NCOA7: variants seen among roughly 807,000 people sequenced by gnomAD.
The protein encoded by NCOA7 is nuclear receptor coactivator 7.
In NCOA7, 45 loss-of-function variants were observed where a neutral mutation model predicts 104.3. The observed-to-expected ratio is 0.43, with a 90% CI of 0.34 to 0.55. The LOEUF is 0.55. NCOA7 is among the 20% of genes least tolerant of loss of function. NCOA7 has a pLI of 0.02. For synonymous variants in NCOA7, 398 were observed against 402.3 expected (o/e 0.99, Z 0.13); for missense variants, 1,041 against 1,119.7 (o/e 0.93, Z 1.00).
At chr6:125,791,550 G>C (rs1471750926) in intron 1 of NCOA7, among the ~76,000 whole-genome samples, 1 of 152,232 alleles carries the variant, frequency 6.6e-6, no homozygotes, top group Admixed American at 6.5e-5. Context: ...TAGCTAGTTG[G>C]TATATAAAAT....
At chr6:125,829,583 T>C (rs1237207940) in intron 2 of NCOA7, among the ~76,000 whole-genome samples, 2 of 152,210 alleles carry the variant, frequency 1.3e-5, no homozygotes, top group Non-Finnish European at 2.9e-5. Context: ...AGCAAAGATG[T>C]TCCTGTGTTT....
chr6:125,864,023 G>C lies in NCOA7; in HGVS notation c.271+8783G>C, dbSNP rs549236262. Among the ~76,000 whole-genome samples, 9 of 136,366 alleles carry C rather than the reference G, an allele frequency of 6.6e-5. 2 individuals are homozygous for C. The East Asian group carries it at 1.1e-3, about 16-fold the overall frequency. The allele number at this position is 136,366 out of a possible 152,430, so 89.5% of individuals were successfully genotyped here. A position where few individuals can be genotyped will look rare whatever the true frequency, so the allele number is the denominator to read the frequency against. ...AGAGTGATGTGGTCAGGTTTTTTTGGGGGGGGCAGTTTGGCTGTTTTTATC... is the reference window on the plus strand; with the variant it reads ...AGAGTGATGTGGTCAGGTTTTTTTGCGGGGGGCAGTTTGGCTGTTTTTATC... On this transcript the variant is annotated intron_variant, in intron 3 of 15. Coordinates refer to ENST00000392477, the MANE Select transcript of NCOA7 (RefSeq NM_181782.5).
chr6:125,902,065 T>C (rs1210891343), intron 10 of NCOA7, among the ~76,000 whole-genome samples: 1 of 152,144 alleles, frequency 6.6e-6, no homozygotes, highest in Non-Finnish European at 1.5e-5. Flanking sequence ...CTTGTGGTTT[T>C]TATGGGTGCA....
At chr6:125,926,489 G>A (rs1788046557) in intron 13 of NCOA7, among the ~76,000 whole-genome samples, 1 of 152,080 alleles carries the variant, frequency 6.6e-6, no homozygotes, top group South Asian at 2.1e-4. Context: ...AAAAATAGAT[G>A]CCTATTTTGA....
chr6:125,809,754 A>G lies in NCOA7; in HGVS notation c.-64-5537A>G, dbSNP rs570292758. The stretch of plus-strand genomic sequence containing the variant: ...CCAAACACAGTGTGACCAAGCCTCA[A>G]TGTGTACTCCTGACATCATTTCATT... On this transcript the variant is annotated intron_variant, in intron 1 of 15. Coordinates refer to ENST00000392477, the MANE Select transcript of NCOA7 (RefSeq NM_181782.5). Among the ~76,000 whole-genome samples the G allele has an allele frequency of 3.3e-5, 5 of 152,270 alleles. No individual in the cohort carries two copies. The East Asian group carries it at 7.7e-4, about 23-fold the overall frequency.
At chr6:125,840,863 GGTTGGTTTTTTTTTTTTTTTTT>G (rs1780066565) in intron 2 of NCOA7, among the ~76,000 whole-genome samples, 1 of 73,650 alleles carries the variant, frequency 1.4e-5, no homozygotes, top group African/African-American at 6.2e-5. Flanking sequence ...TTTTTTGTTT[GGTTGGTTTTTTTTTTTTTTTTT>G]TTTTTTTTTT....
At position 125,855,055 on chromosome 6, in the gene NCOA7, A is replaced by C; in HGVS notation, c.86A>C (p.Glu29Ala). Reference sequence around the variant, plus strand: ...AAAAAACAAGCCAAACAAAATGCAGAGACAGCCTCAGCTGTAGCTACAAGG... The same window carrying C: ...AAAAAACAAGCCAAACAAAATGCAGCGACAGCCTCAGCTGTAGCTACAAGG... ...KKKKQAKQNA[E>A]TASAVATRTH... The change falls in exon 3 of 16, where the codon GAG becomes GCG. Residue 29 changes from glutamate to alanine, a missense_variant. Coordinates refer to ENST00000392477, the MANE Select transcript of NCOA7 (RefSeq NM_181782.5). 1 of 1,611,414 alleles carries C rather than the reference A, an allele frequency of 6.2e-7. No individual in the cohort carries two copies. The highest frequency in any genetic ancestry group is 8.5e-7 in the Non-Finnish European group (1 of 1,179,588).
intron 3 of NCOA7, among the ~76,000 whole-genome samples, chr6:125,874,550 A>G (rs993810455): frequency 2.6e-5 from 4 of 152,192 alleles, no homozygotes; most frequent in Non-Finnish European, 5.9e-5. Context: ...ATCACTTTCT[A>G]AAAGGACTGT....
chr6:125,882,128 A>G (rs559155060), intron 6 of NCOA7, among the ~76,000 whole-genome samples: 2 of 152,320 alleles, frequency 1.3e-5, no homozygotes, highest in South Asian at 4.1e-4. Context: ...TGCTGGGATT[A>G]CAGGCGTGAG....
At chr6:125,813,093 C>A (rs142772059) in intron 1 of NCOA7, among the ~76,000 whole-genome samples, 32 of 152,354 alleles carry the variant, frequency 2.1e-4, no homozygotes, top group African/African-American at 7.2e-4. Context: ...GCTACACTCC[C>A]TCATGGAGAA....
At chr6:125,788,241 A>T (rs1774559082), upstream of NCOA7, among the ~76,000 whole-genome samples, 1 of 152,242 alleles carries the variant, frequency 6.6e-6, no homozygotes, top group African/African-American at 2.4e-5. Flanking sequence ...GCCATAATTT[A>T]AATTTAAACG....
At chr6:125,881,041 G>T in intron 5 of NCOA7, 49 bp from the exon 6 acceptor site, 1 of 1,141,616 alleles carries the variant, frequency 8.8e-7, no homozygotes, top group Non-Finnish European at 1.3e-6. Flanking sequence ...ACTCACTAGT[G>T]GTTTGCCTGG....
chr6:125,888,693 G>A (rs1293187716), intron 8 of NCOA7, among the ~76,000 whole-genome samples: 1 of 152,054 alleles, frequency 6.6e-6, no homozygotes, highest in African/African-American at 2.4e-5. Flanking sequence ...TGTGCTTCCA[G>A]TAGGATATGC....
chr6:125,893,548 C>T (rs1470638479), intron 10 of NCOA7, among the ~76,000 whole-genome samples: 1 of 152,082 alleles, frequency 6.6e-6, no homozygotes, highest in Non-Finnish European at 1.5e-5. Flanking sequence ...TTTCCCAACT[C>T]CATCACTGAA....
rs150519490 is a variant in NCOA7, at chr6:125,794,006, A to G, written c.-65+2939A>G. 2.8e-3 allele frequency among the ~76,000 whole-genome samples: 430 copies of G among 152,310 alleles called. 3 individuals are homozygous for G. Among genetic ancestry groups the G allele is most frequent in the African/African-American group, 9.3e-3 (385 of 41,568 alleles). On this transcript the variant is annotated intron_variant, in intron 1 of 15. Coordinates refer to ENST00000392477, the MANE Select transcript of NCOA7 (RefSeq NM_181782.5). Reference sequence around the variant, plus strand: ...TGAACAAAGGCCATGACGTCAACCTATTCCCTTCCAATACTAGCTGTTAGA... The same window carrying G: ...TGAACAAAGGCCATGACGTCAACCTGTTCCCTTCCAATACTAGCTGTTAGA...
chr6:125,844,480 C>A lies in NCOA7; in HGVS notation c.51-10540C>A, dbSNP rs913086130. On this transcript the variant is annotated intron_variant, in intron 2 of 15. Transcript: ENST00000392477. ...CTTAAATCTTTTGTTTTTATTTGGC[C>A]AGAATTCCAAGAGAAAATTTTCTTC... Among the ~76,000 whole-genome samples the A allele has an allele frequency of 2.0e-5, 3 of 152,094 alleles. No individual in the cohort carries two copies. In the East Asian group the frequency reaches 5.8e-4, roughly 29 times the overall value.
At chr6:125,866,245 CT>C (rs1782433238) in intron 3 of NCOA7, among the ~76,000 whole-genome samples, 1 of 151,972 alleles carries the variant, frequency 6.6e-6, no homozygotes, top group African/African-American at 2.4e-5. Context: ...AGGAGAATCG[CT>C]TGAACCCGTG....
intron 2 of NCOA7, among the ~76,000 whole-genome samples, chr6:125,840,864 G>T (rs1415248272): frequency 7.8e-5 from 5 of 64,082 alleles, no homozygotes; most frequent in East Asian, 4.3e-4. Context: ...TTTTTGTTTG[G>T]TTGGTTTTTT....
chr6:125,873,944 G>A (rs928493282), intron 3 of NCOA7, among the ~76,000 whole-genome samples: 1 of 152,140 alleles, frequency 6.6e-6, no homozygotes, highest in Non-Finnish European at 1.5e-5. Context: ...TCTGATATCT[G>A]AATTAATATA....
Sources: gnomAD v4.1 joint callset for allele counts (sites outside exome capture counted in the v4.1 genomes callset) on GRCh38, gnomAD v4.1.1 for gene constraint, MANE v1.5 for transcripts, NCBI Gene and HGNC (gene_info 2026-07-23, HGNC 2026-07-21) for gene names.